CPNE4: variants seen among roughly 807,000 people sequenced by gnomAD.
CPNE4 encodes copine-4.
CPNE4 carries 25 observed loss-of-function variants against 67.9 expected under a neutral mutation model. That is an observed-to-expected ratio of 0.37 (90% CI 0.27 to 0.51). The LOEUF (loss-of-function observed/expected upper bound fraction) is 0.51. Ranked by LOEUF, CPNE4 falls within the 20% of genes least tolerant of loss-of-function variation. The pLI, the probability that CPNE4 is intolerant of heterozygous loss-of-function variation, is 0.93. For synonymous variants in CPNE4, 242 were observed against 244.9 expected (o/e 0.99, Z 0.11); for missense variants, 464 against 690.8 (o/e 0.67, Z 3.68).
At chr3:131,968,972 A>G (rs916682770) in intron 1 of CPNE4, among the ~76,000 whole-genome samples, 1 of 144,724 alleles carries the variant, frequency 6.9e-6, no homozygotes, top group South Asian at 2.2e-4. Flanking sequence ...CCCATCGATG[A>G]TAGACTGGAT....
intron 3 of CPNE4, among the ~76,000 whole-genome samples, chr3:131,719,837 T>C (rs2081834075): frequency 6.6e-6 from 1 of 152,212 alleles, no homozygotes. Flanking sequence ...TGTTTCTTCA[T>C]GCGTGTCTCT....
At chr3:131,908,704 C>T (rs543483698) in intron 1 of CPNE4, among the ~76,000 whole-genome samples, 91 of 152,184 alleles carry the variant, frequency 6.0e-4, no homozygotes, top group African/African-American at 2.1e-3. Flanking sequence ...ATGCAAGCTA[C>T]GATAGAATGG....
intron 7 of CPNE4, among the ~76,000 whole-genome samples, chr3:131,595,166 A>C (rs939446276): frequency 6.6e-6 from 1 of 152,242 alleles, no homozygotes; most frequent in Non-Finnish European, 1.5e-5. Flanking sequence ...AGGTTCTTCA[A>C]AAAATTTAAA....
intron 2 of CPNE4, among the ~76,000 whole-genome samples, chr3:131,785,068 A>C (rs2083522161): frequency 6.6e-6 from 1 of 151,994 alleles, no homozygotes; most frequent in South Asian, 2.1e-4. Flanking sequence ...AGATATTAAG[A>C]CCTAACTCAG....
chr3:131,871,470 G>T (rs562009688), intron 2 of CPNE4, among the ~76,000 whole-genome samples: 19 of 152,156 alleles, frequency 1.2e-4, no homozygotes, highest in Admixed American at 1.1e-3. Flanking sequence ...CAGAGTTGCT[G>T]ACATCTTAAC....
chr3:131,794,729 A>T (rs116655735), intron 2 of CPNE4, among the ~76,000 whole-genome samples: 12 of 152,350 alleles, frequency 7.9e-5, no homozygotes, highest in African/African-American at 2.6e-4. Flanking sequence ...TTTTACAGGT[A>T]GATGTTCTTC....
At chr3:131,761,627 C>A (rs1353283181) in intron 2 of CPNE4, among the ~76,000 whole-genome samples, 1 of 151,954 alleles carries the variant, frequency 6.6e-6, no homozygotes, top group African/African-American at 2.4e-5. Context: ...TGGTTTAGGT[C>A]AAGCTTAACC....
intron 3 of CPNE4, among the ~76,000 whole-genome samples, chr3:131,703,654 T>C (rs975459762): frequency 6.6e-6 from 1 of 152,234 alleles, no homozygotes; most frequent in Non-Finnish European, 1.5e-5. Context: ...CCGAAGTCTT[T>C]CGAAACAGTC....
At chr3:131,698,079 A>T (rs1318618836) in intron 4 of CPNE4, among the ~76,000 whole-genome samples, 1 of 151,592 alleles carries the variant, frequency 6.6e-6, no homozygotes, top group Non-Finnish European at 1.5e-5. Flanking sequence ...AAAAAATACA[A>T]AAAAAATTAG....
intron 7 of CPNE4, among the ~76,000 whole-genome samples, chr3:131,649,389 C>G (rs890727606): frequency 1.3e-5 from 2 of 152,110 alleles, no homozygotes; most frequent in African/African-American, 2.4e-5. Flanking sequence ...AGTAAATTAG[C>G]AGAAACCCAG....
At chr3:131,589,535 C>T (rs1429602766) in intron 7 of CPNE4, among the ~76,000 whole-genome samples, 1 of 152,204 alleles carries the variant, frequency 6.6e-6, no homozygotes, top group East Asian at 1.9e-4. Flanking sequence ...ATGGCAGTCT[C>T]CTCTGGCAAT....
At chr3:131,888,536 C>A (rs1263128578) in intron 2 of CPNE4, among the ~76,000 whole-genome samples, 1 of 152,094 alleles carries the variant, frequency 6.6e-6, no homozygotes, top group African/African-American at 2.4e-5. Context: ...ATTTAATTAG[C>A]CTATAAACTG....
At chr3:132,007,331 T>A (rs2073636140) in intron 1 of CPNE4, among the ~76,000 whole-genome samples, 1 of 152,206 alleles carries the variant, frequency 6.6e-6, no homozygotes. Context: ...TTCAAGGGAC[T>A]GTTTTCTCCT....
chr3:132,023,512 G>T (rs1165014085), intron 1 of CPNE4, among the ~76,000 whole-genome samples: 1 of 117,938 alleles, frequency 8.5e-6, no homozygotes, highest in African/African-American at 3.5e-5. Context: ...TTTTGAGACG[G>T]AGTCTCGCTC....
chr3:131,787,083 C>T (rs569823927), intron 2 of CPNE4, among the ~76,000 whole-genome samples: 22 of 152,272 alleles, frequency 1.4e-4, no homozygotes, highest in Admixed American at 7.2e-4. Flanking sequence ...CTAATTGATG[C>T]ACCCATCATG....
intron 7 of CPNE4, among the ~76,000 whole-genome samples, chr3:131,664,172 G>C (rs964758360): frequency 1.3e-5 from 2 of 152,130 alleles, no homozygotes; most frequent in Non-Finnish European, 2.9e-5. Context: ...TATGGTGTTT[G>C]TCAAGATTGT....
chr3:131,854,174 T>C (rs1024355894), intron 2 of CPNE4, among the ~76,000 whole-genome samples: 1 of 151,892 alleles, frequency 6.6e-6, no homozygotes, highest in Non-Finnish European at 1.5e-5. Flanking sequence ...TATTTTAGTA[T>C]ATCCAAATAA....
chr3:131,795,558 T>A (rs2107895050), intron 2 of CPNE4, among the ~76,000 whole-genome samples: 1 of 152,218 alleles, frequency 6.6e-6, no homozygotes, highest in Non-Finnish European at 1.5e-5. Flanking sequence ...GCCCCTCCCT[T>A]TTGTGGTTTT....
At chr3:131,872,474 T>A (rs2087257303) in intron 2 of CPNE4, among the ~76,000 whole-genome samples, 1 of 152,164 alleles carries the variant, frequency 6.6e-6, no homozygotes, top group African/African-American at 2.4e-5. Flanking sequence ...TTTACCTGGG[T>A]GAGGGTCAGC....
Sources: allele counts gnomAD v4.1 joint callset (sites outside exome capture counted in the v4.1 genomes callset), GRCh38; gene constraint gnomAD v4.1.1; transcripts MANE v1.5; gene names NCBI Gene and HGNC (gene_info 2026-07-23, HGNC 2026-07-21).